DLC1: variants seen among roughly 807,000 people sequenced by gnomAD.
The protein encoded by DLC1 is DLC1 Rho GTPase activating protein, also known as rho GTPase-activating protein 7.
DLC1 carries 54 observed loss-of-function variants against 140.3 expected under a neutral mutation model. The ratio of observed to expected loss-of-function variants is 0.38; its 90% CI spans 0.31 to 0.48. The LOEUF is 0.48. Among genes scored for constraint, DLC1 ranks in the 20% least tolerant of loss-of-function variants. The probability of loss-of-function intolerance (pLI) is 0.96; values close to 1 mark genes in which losing one functional copy is unlikely to be tolerated. For missense variants in DLC1, 2,536 were observed against 1,907.0 expected (o/e 1.33, Z -6.14); for synonymous variants, 986 against 728.1 (o/e 1.35, Z -5.70).
intron 5 of DLC1, among the ~76,000 whole-genome samples, chr8:13,177,915 G>C (rs1415436174): frequency 6.6e-6 from 1 of 151,938 alleles, no homozygotes; most frequent in Non-Finnish European, 1.5e-5. Flanking sequence ...GGAAATTTGT[G>C]TTAGACCCCA....
At chr8:13,300,087 G>C (rs1176593217) in intron 5 of DLC1, among the ~76,000 whole-genome samples, 3 of 152,156 alleles carry the variant, frequency 2.0e-5, no homozygotes, top group Non-Finnish European at 4.4e-5. Context: ...ATACACCATG[G>C]AATACAACGC....
intron 5 of DLC1, among the ~76,000 whole-genome samples, chr8:13,274,167 G>T (rs777012953): frequency 1.3e-5 from 2 of 152,170 alleles, no homozygotes; most frequent in Non-Finnish European, 2.9e-5. Flanking sequence ...GAGTGGAAGG[G>T]TTGAGTGCAG....
intron 1 of DLC1, among the ~76,000 whole-genome samples, chr8:13,572,177 C>T (rs1804681383): frequency 2.0e-5 from 3 of 151,472 alleles, no homozygotes; most frequent in Non-Finnish European, 2.9e-5. Flanking sequence ...GCAAGCTCCA[C>T]CTCCCGGGTT....
intron 2 of DLC1, among the ~76,000 whole-genome samples, chr8:13,489,997 G>A (rs1034683219): frequency 2.6e-5 from 4 of 152,094 alleles, no homozygotes; most frequent in African/African-American, 7.2e-5. Flanking sequence ...TTGTAAGGCC[G>A]AGACTGTTTT....
At position 13,098,590 on chromosome 8, in the gene DLC1, G is replaced by A; in HGVS notation, c.2991-15C>T. On this transcript the variant is annotated splice_polypyrimidine_tract_variant and intron_variant, in intron 9 of 17. Coordinates refer to ENST00000276297, the MANE Select transcript of DLC1 (RefSeq NM_182643.3). ...TCAGTCGGTGCCTGCGAGAGAAGAG[G>A]AGAGGAAAATGAGTGTGAAGCCTTT... 6.2e-7 allele frequency: 1 copy of A among 1,608,746 alleles called. No individual in the cohort carries two copies. The highest frequency in any genetic ancestry group is 8.5e-7 in the Non-Finnish European group (1 of 1,177,870).
chr8:13,315,925 T>C (rs1169454925), intron 4 of DLC1, among the ~76,000 whole-genome samples: 1 of 152,220 alleles, frequency 6.6e-6, no homozygotes, highest in African/African-American at 2.4e-5. Flanking sequence ...TCTATAGTAT[T>C]GTCTAGTATT....
chr8:13,112,339 T>C (rs62489162), intron 6 of DLC1, among the ~76,000 whole-genome samples: 28,410 of 152,146 alleles, frequency 0.19, 3,470 homozygotes, highest in Non-Finnish European at 0.27. Context: ...TGGAATGATA[T>C]GGAATTTCTT....
chr8:13,345,970 A>G (rs1834316258), intron 4 of DLC1, among the ~76,000 whole-genome samples: 1 of 152,244 alleles, frequency 6.6e-6, no homozygotes, highest in Non-Finnish European at 1.5e-5. Flanking sequence ...GTTCATAGAA[A>G]AATTAGAAAA....
At chr8:13,406,149 C>A (rs1353656441) in intron 2 of DLC1, among the ~76,000 whole-genome samples, 32 of 146,942 alleles carry the variant, frequency 2.2e-4, no homozygotes, top group Non-Finnish European at 3.7e-4. Flanking sequence ...TGGGATTATA[C>A]GCGCCTGCCA....
At chr8:13,265,259 G>A (rs1830638094) in intron 5 of DLC1, among the ~76,000 whole-genome samples, 2 of 152,106 alleles carry the variant, frequency 1.3e-5, no homozygotes, top group African/African-American at 4.8e-5. Flanking sequence ...GGAACAGGGC[G>A]AAGAAAGCAT....
chr8:13,528,828 C>G (rs933797319), intron 1 of DLC1, among the ~76,000 whole-genome samples: 3 of 152,138 alleles, frequency 2.0e-5, no homozygotes, highest in African/African-American at 7.2e-5. Flanking sequence ...GCAACAGACC[C>G]ACTGAACTTG....
intron 1 of DLC1, among the ~76,000 whole-genome samples, chr8:13,536,867 T>A (rs1803302834): frequency 6.6e-6 from 1 of 152,200 alleles, no homozygotes; most frequent in African/African-American, 2.4e-5. Context: ...ATCTGCACTT[T>A]AAAATTTGTC....
intron 7 of DLC1, among the ~76,000 whole-genome samples, chr8:13,108,883 C>T (rs1159493596): frequency 1.3e-5 from 2 of 152,180 alleles, no homozygotes; most frequent in African/African-American, 4.8e-5. Flanking sequence ...CCCGAAACTG[C>T]ATCTGGTTTC....
At chr8:13,579,708 A>G (rs1805013060) in intron 1 of DLC1, among the ~76,000 whole-genome samples, 1 of 148,320 alleles carries the variant, frequency 6.7e-6, no homozygotes, top group African/African-American at 2.5e-5. Context: ...TTATATCACA[A>G]TATTAGAGAT....
At chr8:13,203,333 T>C (rs985214139) in intron 5 of DLC1, among the ~76,000 whole-genome samples, 4 of 152,196 alleles carry the variant, frequency 2.6e-5, no homozygotes, top group African/African-American at 4.8e-5. Context: ...CCTGGGCTAC[T>C]CAGCCAAAAT....
intron 4 of DLC1, among the ~76,000 whole-genome samples, chr8:13,383,329 A>G (rs139988717): frequency 7.6e-4 from 116 of 152,212 alleles, no homozygotes; most frequent in Middle Eastern, 3.4e-3. Flanking sequence ...GTTATTCCAT[A>G]TCTGCCATAC....
At chr8:13,481,892 G>A (rs111391171) in intron 2 of DLC1, among the ~76,000 whole-genome samples, 16 of 151,990 alleles carry the variant, frequency 1.1e-4, no homozygotes, top group Admixed American at 3.9e-4. Context: ...ACACACACAC[G>A]AAGAAGCCCA....
At chr8:13,535,692 AAAC>A (rs1428538870) in intron 1 of DLC1, among the ~76,000 whole-genome samples, 1 of 141,730 alleles carries the variant, frequency 7.1e-6, no homozygotes, top group Non-Finnish European at 1.5e-5. Flanking sequence ...AAAGAAAAGA[AAAC>A]AACAACCCTC....
chr8:13,258,867 G>A (rs1830365115), intron 5 of DLC1, among the ~76,000 whole-genome samples: 1 of 152,136 alleles, frequency 6.6e-6, no homozygotes, highest in African/African-American at 2.4e-5. Context: ...GCCGGGCGCG[G>A]TGGCTCACGC....
Sources: allele counts gnomAD v4.1 joint callset (sites outside exome capture counted in the v4.1 genomes callset), GRCh38; gene constraint gnomAD v4.1.1; transcripts MANE v1.5; gene names NCBI Gene and HGNC (gene_info 2026-07-23, HGNC 2026-07-21).